LRRC4C: variants seen among roughly 807,000 people sequenced by gnomAD.
LRRC4C encodes leucine rich repeat containing 4C, also known as leucine-rich repeat-containing protein 4C.
LRRC4C carries 5 observed loss-of-function variants against 33.6 expected under a neutral mutation model. The observed-to-expected ratio is 0.15, with a 90% confidence interval of 0.08 to 0.31. The LOEUF (loss-of-function observed/expected upper bound fraction) is 0.31. Ranked by LOEUF, LRRC4C falls within the 10% of genes least tolerant of loss-of-function variation. The pLI, the probability that LRRC4C is intolerant of heterozygous loss-of-function variation, is 1.00. For missense variants in LRRC4C, 560 were observed against 796.7 expected (o/e 0.70, Z 3.58); for synonymous variants, 329 against 302.0 (o/e 1.09, Z -0.93).
At chr11:40,870,089 T>G (rs1954560221) in intron 2 of LRRC4C, among the ~76,000 whole-genome samples, 1 of 152,118 alleles carries the variant, frequency 6.6e-6, no homozygotes, top group African/African-American at 2.4e-5. Context: ...AAGACAAGGT[T>G]AAGTCCTCAA....
At chr11:41,169,182 A>T (rs968446463) in intron 1 of LRRC4C, among the ~76,000 whole-genome samples, 9 of 152,212 alleles carry the variant, frequency 5.9e-5, no homozygotes, top group African/African-American at 2.2e-4. Flanking sequence ...TAAGAGAATA[A>T]AACATTTTTC....
chr11:40,964,241 G>T (rs1251179163), intron 1 of LRRC4C, among the ~76,000 whole-genome samples: 1 of 151,466 alleles, frequency 6.6e-6, no homozygotes, highest in Non-Finnish European at 1.5e-5. Context: ...TTTTATCATT[G>T]ATTTATATCA....
intron 2 of LRRC4C, among the ~76,000 whole-genome samples, chr11:40,671,020 C>T (rs938316412): frequency 3.3e-5 from 5 of 152,314 alleles, no homozygotes; most frequent in African/African-American, 1.2e-4. Flanking sequence ...GCCTTGGCCT[C>T]CCAAGGTGCT....
chr11:40,687,844 G>A (rs75843226), intron 2 of LRRC4C, among the ~76,000 whole-genome samples: 6,626 of 152,104 alleles, frequency 0.044, 172 homozygotes, highest in African/African-American at 0.065. Context: ...GACTACTTCC[G>A]AAGATTATTT....
chr11:40,282,345 A>AAAAAC (rs1223047718), intron 4 of LRRC4C, among the ~76,000 whole-genome samples: 11 of 152,106 alleles, frequency 7.2e-5, no homozygotes, highest in Non-Finnish European at 1.5e-4. Context: ...ACTCCATCTC[A>AAAAAC]AAAACAAAAC....
At chr11:41,302,912 A>T (rs1227603268) in intron 1 of LRRC4C, among the ~76,000 whole-genome samples, 4 of 152,212 alleles carry the variant, frequency 2.6e-5, no homozygotes, top group Non-Finnish European at 4.4e-5. Context: ...CTCTGTTTGC[A>T]AAATATTATC....
chr11:40,137,163 C>CGT (rs3039962), intron 6 of LRRC4C, among the ~76,000 whole-genome samples: 4,466 of 147,676 alleles, frequency 0.03, 135 homozygotes, highest in African/African-American at 0.078. Context: ...CACGTGGGCA[C>CGT]GTGTGTGTGT....
chr11:40,531,799 G>T (rs1421833222), intron 3 of LRRC4C, among the ~76,000 whole-genome samples: 1 of 151,568 alleles, frequency 6.6e-6, no homozygotes, highest in Non-Finnish European at 1.5e-5. Flanking sequence ...ATTTATGTTT[G>T]TTTGGTGTAA....
intron 3 of LRRC4C, among the ~76,000 whole-genome samples, chr11:40,500,718 A>G (rs767821049): frequency 5.9e-5 from 9 of 152,100 alleles, no homozygotes; most frequent in Non-Finnish European, 2.9e-5. Context: ...AAATTATGAG[A>G]GTACAATTCA....
intron 5 of LRRC4C, among the ~76,000 whole-genome samples, chr11:40,161,598 C>G (rs1414412096): frequency 6.6e-6 from 1 of 151,922 alleles, no homozygotes; most frequent in East Asian, 1.9e-4. Flanking sequence ...TACTAAAATA[C>G]AAAAACTTAG....
At chr11:40,219,404 G>C (rs946200059) in intron 5 of LRRC4C, among the ~76,000 whole-genome samples, 1 of 152,050 alleles carries the variant, frequency 6.6e-6, no homozygotes, top group African/African-American at 2.4e-5. Flanking sequence ...TCTACCCTAC[G>C]TTTCTAAGCA....
chr11:40,606,546 A>G (rs1302869334), intron 3 of LRRC4C, among the ~76,000 whole-genome samples: 1 of 152,124 alleles, frequency 6.6e-6, no homozygotes, highest in East Asian at 1.9e-4. Context: ...ATCAAGAAAA[A>G]CAATTCCCAG....
At chr11:40,471,283 C>T (rs1952921597) in intron 3 of LRRC4C, among the ~76,000 whole-genome samples, 1 of 152,134 alleles carries the variant, frequency 6.6e-6, no homozygotes, top group Non-Finnish European at 1.5e-5. Flanking sequence ...TTCAGCCAAA[C>T]TAAACTTCAT....
At chr11:40,192,595 G>A (rs1165032425) in intron 5 of LRRC4C, among the ~76,000 whole-genome samples, 4 of 152,104 alleles carry the variant, frequency 2.6e-5, no homozygotes, top group South Asian at 2.1e-4. Flanking sequence ...GAACACCAGC[G>A]AGACAGAACC....
intron 2 of LRRC4C, among the ~76,000 whole-genome samples, chr11:40,744,238 A>T (rs1332492037): frequency 6.6e-6 from 1 of 152,186 alleles, no homozygotes; most frequent in Non-Finnish European, 1.5e-5. Flanking sequence ...AAGTAAAATA[A>T]TGAAAAATAA....
chr11:40,866,096 C>A (rs1752939426), intron 2 of LRRC4C, among the ~76,000 whole-genome samples: 1 of 146,312 alleles, frequency 6.8e-6, no homozygotes, highest in South Asian at 2.2e-4. Flanking sequence ...ATGGTCTGAT[C>A]TTTATATAGA....
chr11:40,381,199 T>G, intron 3 of LRRC4C, among the ~76,000 whole-genome samples: 1 of 150,348 alleles, frequency 6.7e-6, no homozygotes, highest in African/African-American at 2.4e-5. Flanking sequence ...TTTAGTGATG[T>G]GCTAGAGTAG....
At chr11:40,858,447 C>A (rs1177848417) in intron 2 of LRRC4C, among the ~76,000 whole-genome samples, 1 of 151,952 alleles carries the variant, frequency 6.6e-6, no homozygotes, top group Non-Finnish European at 1.5e-5. Flanking sequence ...ATAATCCCAG[C>A]ACTTTGGGAG....
chr11:40,776,698 T>C (rs1950012367), intron 2 of LRRC4C, among the ~76,000 whole-genome samples: 1 of 152,102 alleles, frequency 6.6e-6, no homozygotes, highest in South Asian at 2.1e-4. Context: ...GTTAACTTAT[T>C]GTATTGATTT....
Sources: allele counts gnomAD v4.1 joint callset (sites outside exome capture counted in the v4.1 genomes callset), GRCh38; gene constraint gnomAD v4.1.1; transcripts MANE v1.5; gene names NCBI Gene and HGNC (gene_info 2026-07-23, HGNC 2026-07-21).